The following BTRC variants were observed in gnomAD, a reference collection of about 807,000 sequenced individuals.
BTRC encodes the protein F-box/WD repeat-containing protein 1A.
In BTRC, 42 loss-of-function variants were observed where a neutral mutation model predicts 85.5. The ratio of observed to expected loss-of-function variants is 0.49; its 90% CI spans 0.38 to 0.64. The LOEUF (loss-of-function observed/expected upper bound fraction) is 0.64. Ranked by LOEUF, BTRC falls within the 30% of genes least tolerant of loss-of-function variation. The pLI, the probability that BTRC is intolerant of heterozygous loss-of-function variation, is 0.00. For synonymous variants in BTRC, 255 were observed against 263.3 expected (o/e 0.97, Z 0.30); for missense variants, 594 against 743.5 (o/e 0.80, Z 2.34).
chr10:101,430,963 T>C (rs1483394695), intron 2 of BTRC, among the ~76,000 whole-genome samples: 1 of 152,068 alleles, frequency 6.6e-6, no homozygotes, highest in African/African-American at 2.4e-5. Context: ...TTAACATTTC[T>C]AATTTCTAGG....
intron 2 of BTRC, among the ~76,000 whole-genome samples, chr10:101,458,608 C>T (rs117217752): frequency 0.018 from 2,783 of 152,188 alleles, 40 homozygotes; most frequent in Non-Finnish European, 0.028. Flanking sequence ...TGTGCTATAC[C>T]TCTTTAGTTT....
intron 1 of BTRC, among the ~76,000 whole-genome samples, chr10:101,367,080 A>AAATATAAATATATATATATATT (rs1564730978): frequency 4.8e-5 from 4 of 84,090 alleles, no homozygotes; most frequent in East Asian, 2.6e-4. Flanking sequence ...ATATATATAT[A>AAATATAAATATATATATATATT]TTTTTTTCGA....
chr10:101,393,716 C>T (rs951967967), intron 1 of BTRC, among the ~76,000 whole-genome samples: 1 of 152,074 alleles, frequency 6.6e-6, no homozygotes, highest in African/African-American at 2.4e-5. Context: ...TGGAAAAACA[C>T]GAGGTTGGAA....
intron 13 of BTRC, among the ~76,000 whole-genome samples, chr10:101,540,272 A>G (rs779634724): frequency 1.4e-4 from 21 of 152,186 alleles, no homozygotes; most frequent in Non-Finnish European, 2.6e-4. Context: ...ATTTTGGTCT[A>G]TGATCCATTT....
intron 1 of BTRC, among the ~76,000 whole-genome samples, chr10:101,370,552 A>G (rs1222409315): frequency 6.6e-6 from 1 of 152,006 alleles, no homozygotes; most frequent in Non-Finnish European, 1.5e-5. Context: ...TTCAATTTTT[A>G]AATTTATGGT....
At chr10:101,491,069 A>C (rs1319970782) in intron 4 of BTRC, among the ~76,000 whole-genome samples, 2 of 152,060 alleles carry the variant, frequency 1.3e-5, no homozygotes, top group African/African-American at 4.8e-5. Flanking sequence ...AAAAAAAAAA[A>C]AAAACTCTCT....
chr10:101,473,052 G>A lies in BTRC; in HGVS notation c.235-6316G>A, dbSNP rs963649725. ...ATTTTTATAACTTCTTTGCTGTACCGTTCTCTTCTCCCTTCCTTGGACTCC... is the reference window on the plus strand; with the variant it reads ...ATTTTTATAACTTCTTTGCTGTACCATTCTCTTCTCCCTTCCTTGGACTCC... On this transcript the variant is annotated intron_variant, in intron 3 of 14. Transcript: ENST00000370187. Among the ~76,000 whole-genome samples, 12 of 151,668 alleles carry A rather than the reference G, an allele frequency of 7.9e-5. 1 individual carries two copies. Among genetic ancestry groups the A allele is most frequent in the African/African-American group, 2.7e-4 (11 of 41,238 alleles).
At chr10:101,378,015 G>A (rs1942834660) in intron 1 of BTRC, among the ~76,000 whole-genome samples, 1 of 151,978 alleles carries the variant, frequency 6.6e-6, no homozygotes, top group African/African-American at 2.4e-5. Flanking sequence ...TATGGACACT[G>A]TGATCAAGAT....
At chr10:101,470,329 CTTTTTTTTTTTT>C (rs950644281) in intron 3 of BTRC, among the ~76,000 whole-genome samples, 4 of 94,904 alleles carry the variant, frequency 4.2e-5, no homozygotes, top group Admixed American at 1.1e-4. Context: ...ATTTTTCTTT[CTTTTTTTTTTTT>C]TTTTTTTTTG....
intron 6 of BTRC, among the ~76,000 whole-genome samples, chr10:101,527,815 C>T (rs1564827354): frequency 6.6e-6 from 1 of 151,936 alleles, no homozygotes; most frequent in African/African-American, 2.4e-5. Context: ...CACACACACA[C>T]ACACAAAAGA....
intron 2 of BTRC, among the ~76,000 whole-genome samples, chr10:101,447,668 G>A (rs1944861834): frequency 6.6e-6 from 1 of 151,948 alleles, no homozygotes; most frequent in African/African-American, 2.4e-5. Flanking sequence ...ACAGATATTA[G>A]TATATTATTA....
intron 4 of BTRC, among the ~76,000 whole-genome samples, chr10:101,507,733 T>C (rs1412364299): frequency 2.6e-5 from 4 of 152,222 alleles, no homozygotes; most frequent in African/African-American, 9.6e-5. Flanking sequence ...CACAGTGAAA[T>C]TTAAACCATT....
At chr10:101,410,196 C>T (rs1414854482) in intron 1 of BTRC, among the ~76,000 whole-genome samples, 1 of 152,120 alleles carries the variant, frequency 6.6e-6, no homozygotes, top group South Asian at 2.1e-4. Context: ...TGCTTCTCTC[C>T]TAATATATCT....
intron 1 of BTRC, among the ~76,000 whole-genome samples, chr10:101,374,459 A>G (rs532041569): frequency 2.0e-5 from 3 of 151,016 alleles, no homozygotes; most frequent in Non-Finnish European, 3.0e-5. Flanking sequence ...GCCATAAAAA[A>G]TGATGAGTTC....
chr10:101,535,898 A>G (rs2062378149), intron 11 of BTRC, among the ~76,000 whole-genome samples: 1 of 152,206 alleles, frequency 6.6e-6, no homozygotes, highest in South Asian at 2.1e-4. Context: ...TGACATAGAT[A>G]TGATTATAAT....
At chr10:101,407,944 G>A (rs112582604) in intron 1 of BTRC, among the ~76,000 whole-genome samples, 47 of 151,440 alleles carry the variant, frequency 3.1e-4, no homozygotes, top group African/African-American at 9.9e-4. Context: ...GGATGGCCTC[G>A]ATCTCTTGAC....
chr10:101,397,671 T>A (rs997933098), intron 1 of BTRC, among the ~76,000 whole-genome samples: 13 of 152,250 alleles, frequency 8.5e-5, no homozygotes, highest in Middle Eastern at 3.2e-3. Flanking sequence ...TAGGGTGTTT[T>A]CCTTTCCTCT....
At chr10:101,410,280 T>C (rs1397463392) in intron 1 of BTRC, among the ~76,000 whole-genome samples, 1 of 152,138 alleles carries the variant, frequency 6.6e-6, no homozygotes, top group African/African-American at 2.4e-5. Flanking sequence ...GGGTACATTA[T>C]CGTGGTTTTG....
Position 101,469,577 on chromosome 10 carries a change from C to G in BTRC, c.234+7519C>G, listed in dbSNP as rs190690747. On this transcript the variant is annotated intron_variant, in intron 3 of 14. Transcript: ENST00000370187. ...CATGATACATTTATTGATGACTGGA[C>G]AAACCTCTGTAAAAAATTTACTCCT... 3.4e-3 allele frequency among the ~76,000 whole-genome samples: 517 copies of G among 152,206 alleles called. 3 individuals are homozygous for G. Among genetic ancestry groups the G allele is most frequent in the Non-Finnish European group, 6.2e-3 (421 of 68,010 alleles).
Sources: allele counts gnomAD v4.1 joint callset (sites outside exome capture counted in the v4.1 genomes callset), GRCh38; gene constraint gnomAD v4.1.1; transcripts MANE v1.5; gene names NCBI Gene and HGNC (gene_info 2026-07-23, HGNC 2026-07-21).